Variants in STIL observed in about 807,000 individuals in gnomAD.
STIL encodes the protein SCL-interrupting locus protein.
A neutral mutation model predicts 110.1 loss-of-function variants in STIL; 55 were observed. The observed-to-expected ratio is 0.50, with a 90% CI of 0.40 to 0.63. The LOEUF (loss-of-function observed/expected upper bound fraction) is 0.63. Ranked by LOEUF, STIL falls within the 20% of genes least tolerant of loss-of-function variation. STIL has a pLI of 0.00. For missense variants in STIL, 1,358 were observed against 1,530.0 expected (o/e 0.89, Z 1.87); for synonymous variants, 481 against 530.0 (o/e 0.91, Z 1.27).
intron 13 of STIL, among the ~76,000 whole-genome samples, chr1:47,270,557 T>C (rs917346015): frequency 3.9e-5 from 6 of 151,956 alleles, no homozygotes; most frequent in Non-Finnish European, 8.8e-5. Flanking sequence ...CCCTAGGTTC[T>C]CTGGTTTTGA....
intron 3 of STIL, among the ~76,000 whole-genome samples, chr1:47,303,426 G>T (rs532053583): frequency 2.0e-5 from 3 of 152,122 alleles, no homozygotes; most frequent in African/African-American, 7.2e-5. Context: ...TTAGCCAGGC[G>T]TGGTGGCACA....
chr1:47,276,830 A>C (rs1312948956), intron 12 of STIL, among the ~76,000 whole-genome samples: 4 of 151,404 alleles, frequency 2.6e-5, no homozygotes, highest in Admixed American at 6.6e-5. Flanking sequence ...AAAAAAAAAA[A>C]AAAAAAAAAC....
intron 14 of STIL, among the ~76,000 whole-genome samples, chr1:47,264,932 A>T (rs1477251693): frequency 3.1e-5 from 4 of 129,376 alleles, no homozygotes; most frequent in Non-Finnish European, 5.3e-5. Context: ...TCTAAAGTTA[A>T]AAAAAAAAAA....
chr1:47,299,099 GC>G (rs1415855323), intron 6 of STIL, among the ~76,000 whole-genome samples: 1 of 150,126 alleles, frequency 6.7e-6, no homozygotes, highest in Non-Finnish European at 1.5e-5. Context: ...TGTAATCTCA[GC>G]ACTTTGGGAG....
chr1:47,259,391 G>A (rs990408665), intron 16 of STIL, among the ~76,000 whole-genome samples: 1 of 142,534 alleles, frequency 7.0e-6, no homozygotes, highest in African/African-American at 2.6e-5. Flanking sequence ...CCCGGGTTCA[G>A]GCAATTCTCT....
At chr1:47,264,079 G>A (rs542566780) in intron 14 of STIL, among the ~76,000 whole-genome samples, 1 of 152,258 alleles carries the variant, frequency 6.6e-6, no homozygotes, top group East Asian at 1.9e-4. Flanking sequence ...ATCTGTCTTG[G>A]TGTCTAACCT....
chr1:47,269,223 C>CA (rs1388818076), intron 14 of STIL, among the ~76,000 whole-genome samples: 1 of 151,936 alleles, frequency 6.6e-6, no homozygotes, highest in East Asian at 1.9e-4. Flanking sequence ...TTAATATAGC[C>CA]AAAGACTGAC....
intron 14 of STIL, among the ~76,000 whole-genome samples, chr1:47,264,336 A>G (rs1644574251): frequency 6.6e-6 from 1 of 152,208 alleles, no homozygotes; most frequent in African/African-American, 2.4e-5. Context: ...GCCAAAATAA[A>G]TAAATAAATG....
chr1:47,280,741 C>T lies in STIL; in HGVS notation c.1717G>A (p.Asp573Asn), dbSNP rs1207038251. 3 of 1,613,942 alleles carry T rather than the reference C, an allele frequency of 1.9e-6. No individual in the cohort carries two copies. The highest frequency in any genetic ancestry group is 3.3e-5 in the Admixed American group (2 of 59,992). The change falls in exon 12 of 17, where the codon GAT becomes AAT. Residue 573 changes from aspartate to asparagine, a missense_variant. By Grantham distance (23) the Asp-to-Asn change is conservative (BLOSUM62 1). Coordinates refer to ENST00000371877, the MANE Select transcript of STIL (RefSeq NM_001048166.1). ...GAATTATGGGGTGAAAAAACAAAAT[C>T]GTGTGGTTGGGACTGCGGGGCAAGA... The part of the protein sequence containing the change: ...SSLAPQSQPH[D>N]FVFSPHNSGR...
chr1:47,277,757 T>G (rs1321912674), intron 12 of STIL, among the ~76,000 whole-genome samples: 1 of 152,124 alleles, frequency 6.6e-6, no homozygotes, highest in African/African-American at 2.4e-5. Context: ...ACTAACTATA[T>G]GTCAGCAATA....
At chr1:47,263,743 A>ATTTTTTTT (rs1557711517) in intron 14 of STIL, among the ~76,000 whole-genome samples, 2 of 83,336 alleles carry the variant, frequency 2.4e-5, no homozygotes, top group South Asian at 3.6e-4. Context: ...GTTCATTCCA[A>ATTTTTTTT]GTTTTTTTTT....
chr1:47,273,285 T>C (rs2405787), intron 12 of STIL, among the ~76,000 whole-genome samples: 39,374 of 152,082 alleles, frequency 0.26, 5,420 homozygotes, highest in Non-Finnish European at 0.31. Context: ...TCACAAAGTG[T>C]GCAATAATCA....
At position 47,300,039 on chromosome 1, in the gene STIL, A is replaced by G. The variant is rs145024225; in HGVS notation, c.567T>C (p.His189=). ...ESLDSVEFDL[H]WAAVTLANNF... ...TATTTGCTAGAGTTACTGCTGCCCA[A>G]TGCAAGTCAAATTCCACACTGTCCA... The change falls in exon 6 of 17, where the codon CAT becomes CAC. Residue 189 remains histidine (H), a synonymous_variant. Transcript: ENST00000371877. The G allele has an allele frequency of 1.2e-5, 20 of 1,614,018 alleles. No individual in the cohort carries two copies. Among genetic ancestry groups the G allele is most frequent in the African/African-American group, 4.0e-5 (3 of 74,914 alleles).
intron 14 of STIL, among the ~76,000 whole-genome samples, chr1:47,263,828 C>G (rs1002228406): frequency 2.8e-5 from 4 of 142,308 alleles, no homozygotes; most frequent in Non-Finnish European, 6.0e-5. Flanking sequence ...TCTCGGCTGA[C>G]TGTAACCTCT....
chr1:47,312,354 G>T lies in STIL; in HGVS notation c.-44+1682C>A, dbSNP rs191510119. On this transcript the variant is annotated intron_variant, in intron 1 of 16. Coordinates refer to ENST00000371877, the MANE Select transcript of STIL (RefSeq NM_001048166.1). ...AAATACAAAAAATTAGTGGGGTGTGGTGGCGGGCACCTGTAGTGAACCCGG... is the reference window on the plus strand; with the variant it reads ...AAATACAAAAAATTAGTGGGGTGTGTTGGCGGGCACCTGTAGTGAACCCGG... Among the ~76,000 whole-genome samples the T allele has an allele frequency of 1.3e-3, 191 of 152,134 alleles. 2 individuals are homozygous for T. Among genetic ancestry groups the T allele is most frequent in the Admixed American group, 0.012 (187 of 15,282 alleles).
Position 47,293,447 on chromosome 1 carries a change from A to G in STIL, c.872+11T>C, listed in dbSNP as rs1570231432. ...TCGAAATAAAGTACTACAGAATAAA[A>G]TATCACTTGCCTTTCTTGAACAGAA... On this transcript the variant is annotated intron_variant, in intron 8 of 16. Transcript: ENST00000371877. 1.9e-6 allele frequency: 3 copies of G among 1,607,450 alleles called. No individual in the cohort carries two copies. The South Asian group carries it at 3.3e-5, about 18-fold the overall frequency.
chr1:47,302,855 T>C (rs1192587955), intron 3 of STIL, among the ~76,000 whole-genome samples: 2 of 152,232 alleles, frequency 1.3e-5, no homozygotes, highest in East Asian at 3.9e-4. Flanking sequence ...CAATAATTAA[T>C]AGTAGCATAA....
intron 13 of STIL, 27 bp from the exon 14 acceptor site, chr1:47,269,893 GAAAC>G (rs1238182481): frequency 1.3e-6 from 2 of 1,576,950 alleles, no homozygotes; most frequent in African/African-American, 2.7e-5. Context: ...TTAAGATACT[GAAAC>G]AAACATTCAA....
At chr1:47,272,266 AAACTGAC>A (rs746436102) in intron 12 of STIL, 25 bp from the exon 13 acceptor site, 1 of 1,613,826 alleles carries the variant, frequency 6.2e-7, no homozygotes, top group Non-Finnish European at 8.5e-7. Flanking sequence ...AACATACTTT[AAACTGAC>A]AGGGAAGTAA....
Sources: allele counts gnomAD v4.1 joint callset (sites outside exome capture counted in the v4.1 genomes callset), GRCh38; gene constraint gnomAD v4.1.1; transcripts MANE v1.5; gene names NCBI Gene and HGNC (gene_info 2026-07-23, HGNC 2026-07-21).